The following NOL4 variants were observed in gnomAD, a reference collection of about 807,000 sequenced individuals.
NOL4 encodes nucleolar protein 4, also known as cancer/testis antigen 125.
Under a neutral mutation model 75.9 loss-of-function variants are expected in NOL4, and 17 were observed. The ratio of observed to expected loss-of-function variants is 0.22; its 90% CI spans 0.15 to 0.34. The LOEUF is 0.34. Among genes scored for constraint, NOL4 ranks in the 10% least tolerant of loss-of-function variants. The pLI, the probability that NOL4 is intolerant of heterozygous loss-of-function variation, is 1.00. For missense variants in NOL4, 614 were observed against 793.5 expected, an observed-to-expected ratio of 0.77 and a Z score of 2.72; for synonymous variants, 292 against 289.9, an observed-to-expected ratio of 1.01 and a Z score of -0.07.
chr18:33,904,652 T>C (rs2065929972), intron 9 of NOL4, among the ~76,000 whole-genome samples: 1 of 152,192 alleles, frequency 6.6e-6, no homozygotes, highest in African/African-American at 2.4e-5. Context: ...GTTTTGTAAA[T>C]ATGCCTGTGT....
intron 9 of NOL4, among the ~76,000 whole-genome samples, chr18:33,893,669 G>C (rs2065228735): frequency 6.6e-6 from 1 of 152,028 alleles, no homozygotes; most frequent in South Asian, 2.1e-4. Flanking sequence ...TGCCTTTAAA[G>C]ATCAGAAAAC....
chr18:34,094,682 T>C (rs916633365), intron 4 of NOL4, among the ~76,000 whole-genome samples: 7 of 152,248 alleles, frequency 4.6e-5, no homozygotes, highest in African/African-American at 1.4e-4. Context: ...GCTTTGACTT[T>C]AATTTGTAAA....
At chr18:33,880,904 C>G (rs1325050202) in intron 10 of NOL4, among the ~76,000 whole-genome samples, 2 of 151,832 alleles carry the variant, frequency 1.3e-5, no homozygotes, top group African/African-American at 4.8e-5. Context: ...GGGAGACACC[C>G]ATGTAGAGAG....
intron 9 of NOL4, among the ~76,000 whole-genome samples, chr18:33,895,793 A>G (rs911024826): frequency 1.3e-5 from 2 of 152,184 alleles, no homozygotes; most frequent in Admixed American, 1.3e-4. Flanking sequence ...ATAGTATTGG[A>G]AGTCTTAACC....
intron 6 of NOL4, among the ~76,000 whole-genome samples, chr18:33,967,551 G>T (rs558918003): frequency 6.6e-6 from 1 of 151,968 alleles, no homozygotes; most frequent in African/African-American, 2.4e-5. Flanking sequence ...AGGAGAAAAT[G>T]TTCATAAACT....
intron 6 of NOL4, among the ~76,000 whole-genome samples, chr18:33,984,960 C>G (rs1354169382): frequency 2.6e-5 from 4 of 152,050 alleles, no homozygotes. Context: ...TCACATTCCC[C>G]TTCCCCCTTT....
At chr18:34,018,307 G>A (rs1054796211) in intron 6 of NOL4, among the ~76,000 whole-genome samples, 10 of 152,158 alleles carry the variant, frequency 6.6e-5, no homozygotes, top group African/African-American at 2.4e-4. Flanking sequence ...CACAGCAAAA[G>A]TTGTAGCAGC....
At chr18:34,138,332 G>A (rs2080987664) in intron 1 of NOL4, among the ~76,000 whole-genome samples, 1 of 152,120 alleles carries the variant, frequency 6.6e-6, no homozygotes, top group Non-Finnish European at 1.5e-5. Context: ...AGCCCATAAG[G>A]TTGAAGCTGC....
intron 10 of NOL4, among the ~76,000 whole-genome samples, chr18:33,868,649 T>TCACACACACACACACA (rs10669407): frequency 7.3e-6 from 1 of 137,902 alleles, no homozygotes; most frequent in Non-Finnish European, 1.6e-5. Flanking sequence ...TTCCTGTATT[T>TCACACACACACACACA]CACACACACA....
intron 2 of NOL4, among the ~76,000 whole-genome samples, chr18:34,121,048 G>A (rs942930463): frequency 3.3e-5 from 5 of 152,098 alleles, no homozygotes; most frequent in Admixed American, 3.3e-4. Flanking sequence ...TCATAACAGA[G>A]AATTCTTATA....
chr18:34,049,074 GCACACACACACACACACACACACACA>G (rs1163959249), intron 5 of NOL4, among the ~76,000 whole-genome samples: 4 of 64,708 alleles, frequency 6.2e-5, no homozygotes, highest in Non-Finnish European at 1.0e-4. Context: ...ACAGGCGCGC[GCACACACACACACACACACACACACA>G]CACACACACA....
intron 10 of NOL4, among the ~76,000 whole-genome samples, chr18:33,864,385 C>T (rs1327627589): frequency 1.3e-5 from 2 of 152,172 alleles, no homozygotes; most frequent in Non-Finnish European, 2.9e-5. Flanking sequence ...GATCATCCCT[C>T]TCAAGTTCAA....
intron 5 of NOL4, among the ~76,000 whole-genome samples, chr18:34,058,307 G>A (rs2076916420): frequency 1.3e-5 from 2 of 152,076 alleles, no homozygotes; most frequent in Non-Finnish European, 2.9e-5. Flanking sequence ...CTAATTTTTT[G>A]TTATTTTTAG....
chr18:33,972,460 A>T (rs140746876), intron 6 of NOL4, among the ~76,000 whole-genome samples: 1,861 of 152,262 alleles, frequency 0.012, 33 homozygotes, highest in African/African-American at 0.041. Context: ...ATATATTTTT[A>T]AAAAAGTGTT....
At chr18:34,056,958 G>T (rs1163533690) in intron 5 of NOL4, among the ~76,000 whole-genome samples, 3 of 152,162 alleles carry the variant, frequency 2.0e-5, no homozygotes, top group Non-Finnish European at 4.4e-5. Context: ...ATGATAGTTG[G>T]TTACTGAAAA....
intron 1 of NOL4, among the ~76,000 whole-genome samples, chr18:34,154,992 C>G (rs1167388555): frequency 6.6e-6 from 1 of 151,854 alleles, no homozygotes; most frequent in Non-Finnish European, 1.5e-5. Context: ...ATTGGCTGGT[C>G]TCCCTTTTTC....
chr18:34,119,855 C>T (rs1013308472), intron 2 of NOL4, among the ~76,000 whole-genome samples: 1 of 152,056 alleles, frequency 6.6e-6, no homozygotes, highest in Admixed American at 6.5e-5. Flanking sequence ...ATCTCCTGAC[C>T]TCGTGATCCA....
chr18:34,033,828 T>C (rs1329885832), intron 5 of NOL4, among the ~76,000 whole-genome samples: 2 of 151,818 alleles, frequency 1.3e-5, no homozygotes, highest in South Asian at 2.1e-4. Context: ...AAAGGAACAC[T>C]CCATTAGACT....
At chr18:34,101,555 C>T (rs906731360) in intron 4 of NOL4, among the ~76,000 whole-genome samples, 14 of 152,134 alleles carry the variant, frequency 9.2e-5, no homozygotes, top group African/African-American at 2.9e-4. Flanking sequence ...TTCTAGTCTT[C>T]TGATACAGTT....
Sources: allele counts gnomAD v4.1 joint callset (sites outside exome capture counted in the v4.1 genomes callset), GRCh38; gene constraint gnomAD v4.1.1; transcripts MANE v1.5; gene names NCBI Gene and HGNC (gene_info 2026-07-23, HGNC 2026-07-21).